The following PDE6D variants were observed in gnomAD, a reference collection of about 807,000 sequenced individuals.
PDE6D encodes the protein retinal rod rhodopsin-sensitive cGMP 3',5'-cyclic phosphodiesterase subunit delta.
PDE6D carries 10 observed loss-of-function variants against 21.9 expected under a neutral mutation model. That is an observed-to-expected ratio of 0.46 (90% CI 0.28 to 0.78). The LOEUF (loss-of-function observed/expected upper bound fraction) is 0.78. PDE6D is among the 30% of genes least tolerant of loss of function. PDE6D has a pLI of 0.12. For synonymous variants in PDE6D, 59 were observed against 63.5 expected (o/e 0.93, Z 0.34); for missense variants, 139 against 184.8 (o/e 0.75, Z 1.44).
At position 231,739,096 on chromosome 2, in the gene PDE6D, G is replaced by C; in HGVS notation, c.139+4C>G. The stretch of plus-strand genomic sequence containing the variant: ...CCCTGTGTAGATAAAGGGTTGGAAA[G>C]TACCTTCATGCTCCACACCAGGGAC... On this transcript the variant is annotated splice_donor_region_variant and intron_variant, in intron 2 of 4. Transcript: ENST00000287600. This position sits in a 1 kb window ranked among gnomAD's most constrained non-coding sequence, Gnocchi z 4.2. 1 of 1,596,890 alleles carries C rather than the reference G, an allele frequency of 6.3e-7. No individual in the cohort carries two copies. Among genetic ancestry groups the C allele is most frequent in the Non-Finnish European group, 8.6e-7 (1 of 1,164,374 alleles).
At chr2:231,733,338 G>T (rs2048667373) in intron 4 of PDE6D, among the ~76,000 whole-genome samples, 4 of 152,158 alleles carry the variant, frequency 2.6e-5, no homozygotes, top group Admixed American at 1.3e-4. Context: ...TTATAGATCC[G>T]ACTGACTTTC....
chr2:231,737,414 C>T, intron 3 of PDE6D, 122 bp from the exon 4 acceptor site: 2 of 586,906 alleles, frequency 3.4e-6, no homozygotes, highest in South Asian at 4.2e-5. Flanking sequence ...AAGCTATCAG[C>T]AACCTCTCAG....
rs1199625523 is a variant in PDE6D, at chr2:231,732,974, C to T, written c.431G>A (p.Arg144Lys). The stretch of plus-strand genomic sequence containing the variant: ...CTTTCAAACATAGAAAAGTCTCACT[C>T]TGGATGTGCTTACAAGAAGATCGTC... ...FDDDLLVSTS[R>K]VRLFYV Residue 144 changes from arginine to lysine, a missense_variant, in exon 5 of 5, where the codon AGA becomes AAA. Physicochemically the swap from Arg to Lys is conservative, Grantham distance 26. Transcript: ENST00000287600. 1.2e-6 allele frequency: 2 copies of T among 1,611,986 alleles called. No individual in the cohort carries two copies. The highest frequency in any genetic ancestry group is 1.7e-6 in the Non-Finnish European group (2 of 1,178,124).
At chr2:231,740,394 G>A (rs1264014142) in intron 1 of PDE6D, among the ~76,000 whole-genome samples, 1 of 152,068 alleles carries the variant, frequency 6.6e-6, no homozygotes, top group African/African-American at 2.4e-5. Flanking sequence ...TAGAAAACAG[G>A]AGAGCAGGCT....
intron 1 of PDE6D, among the ~76,000 whole-genome samples, chr2:231,768,210 T>C (rs1301229477): frequency 6.6e-6 from 1 of 152,174 alleles, no homozygotes; most frequent in Admixed American, 6.6e-5. Context: ...AGCTGATTCT[T>C]AAATATCATT....
intron 1 of PDE6D, among the ~76,000 whole-genome samples, chr2:231,751,101 C>T (rs2048836113): frequency 6.6e-6 from 1 of 151,570 alleles, no homozygotes; most frequent in Non-Finnish European, 1.5e-5. Context: ...ATTGTTTTAT[C>T]AGGTGTTATT....
intron 1 of PDE6D, among the ~76,000 whole-genome samples, chr2:231,758,109 CT>C (rs1445342129): frequency 1.3e-5 from 2 of 152,090 alleles, no homozygotes. Context: ...TAGTCATTAG[CT>C]TTGCCTATAT....
At chr2:231,764,433 T>C (rs2048954485) in intron 1 of PDE6D, among the ~76,000 whole-genome samples, 1 of 152,192 alleles carries the variant, frequency 6.6e-6, no homozygotes, top group Non-Finnish European at 1.5e-5. Flanking sequence ...ACAGAAAGTT[T>C]AGGCTTTGTA....
chr2:231,742,052 T>C (rs373201402), intron 1 of PDE6D, among the ~76,000 whole-genome samples: 1 of 151,962 alleles, frequency 6.6e-6, no homozygotes, highest in African/African-American at 2.4e-5. Flanking sequence ...GGATTGAAAA[T>C]AGTTTTCTCT....
intron 1 of PDE6D, among the ~76,000 whole-genome samples, chr2:231,740,788 A>C (rs2048742226): frequency 6.6e-6 from 1 of 152,014 alleles, no homozygotes; most frequent in Admixed American, 6.6e-5. Flanking sequence ...GAAAGGTAGA[A>C]CAGAGAGAAC....
At chr2:231,735,157 A>T (rs1351267242) in intron 4 of PDE6D, among the ~76,000 whole-genome samples, 1 of 139,148 alleles carries the variant, frequency 7.2e-6, no homozygotes, top group Non-Finnish European at 1.6e-5. Flanking sequence ...CAGGAGAAAG[A>T]TGGGAACCTG....
chr2:231,733,069 G>GT (rs1491242373), intron 4 of PDE6D, 36 bp from the exon 5 acceptor site: 10 of 1,362,126 alleles, frequency 7.3e-6, no homozygotes, highest in Non-Finnish European at 1.1e-5. Context: ...GCAAAAGAGA[G>GT]TGAGCATGTT....
At chr2:231,746,408 G>A (rs550880754) in intron 1 of PDE6D, among the ~76,000 whole-genome samples, 1 of 152,290 alleles carries the variant, frequency 6.6e-6, no homozygotes, top group Non-Finnish European at 1.5e-5. Context: ...CTCCCAAAGT[G>A]CTGGGATTAC....
chr2:231,747,645 C>T (rs1365831175), intron 1 of PDE6D, among the ~76,000 whole-genome samples: 1 of 152,120 alleles, frequency 6.6e-6, no homozygotes. Context: ...GATGTCAATC[C>T]CTGGCTTTCC....
At chr2:231,745,158 T>C (rs838446) in intron 1 of PDE6D, among the ~76,000 whole-genome samples, 52,529 of 151,348 alleles carry the variant, frequency 0.35, 9,524 homozygotes, top group African/African-American at 0.44. Flanking sequence ...ATAATAACAA[T>C]GAGAAAAGCT....
In PDE6D at chr2:231,755,117, A is replaced by G. The variant is rs909987024; in HGVS notation, c.51-15929T>C. On this transcript the variant is annotated intron_variant, in intron 1 of 4. Coordinates refer to ENST00000287600, the MANE Select transcript of PDE6D (RefSeq NM_002601.4). ...GGATACGAGAAAACAGTAGTCTGCA[A>G]CCTGGAAGAAGGCTCTCACCAAAAC... 7.2e-5 allele frequency among the ~76,000 whole-genome samples: 11 copies of G among 152,256 alleles called. No homozygotes were observed. In the East Asian group the frequency reaches 2.1e-3, roughly 29 times the overall value.
chr2:231,774,870 C>T (rs1428624999), intron 1 of PDE6D, among the ~76,000 whole-genome samples: 1 of 151,748 alleles, frequency 6.6e-6, no homozygotes, highest in Admixed American at 6.6e-5. Flanking sequence ...GCATTACAGG[C>T]ATGAGCCACT....
chr2:231,737,510 A>C (rs1450418078), intron 3 of PDE6D: 3 of 485,366 alleles, frequency 6.2e-6, no homozygotes, highest in African/African-American at 2.0e-5. Context: ...TTTGAGGTCT[A>C]AAGGACTAGG....
chr2:231,765,502 T>C (rs1404642190), intron 1 of PDE6D, among the ~76,000 whole-genome samples: 1 of 152,168 alleles, frequency 6.6e-6, no homozygotes, highest in African/African-American at 2.4e-5. Context: ...AAATTATATA[T>C]GGGCATGTGG....
Sources: allele counts gnomAD v4.1 joint callset (sites outside exome capture counted in the v4.1 genomes callset), GRCh38; gene constraint gnomAD v4.1.1; non-coding constraint Gnocchi (gnomAD v3.1); transcripts MANE v1.5; gene names NCBI Gene and HGNC (gene_info 2026-07-23, HGNC 2026-07-21).